Variants in ZGRF1 observed in about 807,000 individuals in gnomAD.
The protein encoded by ZGRF1 is 5'-3' DNA helicase ZGRF1.
In ZGRF1, 196 loss-of-function variants were observed where a neutral mutation model predicts 203.5. The observed-to-expected ratio is 0.96, with a 90% confidence interval of 0.86 to 1.08. The LOEUF (loss-of-function observed/expected upper bound fraction) is 1.08, where lower values mean the gene tolerates loss of function less well. ZGRF1 is among the 50% of genes least tolerant of loss of function. The probability of loss-of-function intolerance (pLI) is 0.00; values close to 1 mark genes in which losing one functional copy is unlikely to be tolerated. For synonymous variants in ZGRF1, 809 were observed against 841.3 expected (o/e 0.96, Z 0.66); for missense variants, 2,326 against 2,416.3 (o/e 0.96, Z 0.78).
intron 6 of ZGRF1, among the ~76,000 whole-genome samples, chr4:112,614,218 G>C (rs7687279): frequency 0.39 from 59,869 of 151,950 alleles, 12,025 homozygotes; most frequent in South Asian, 0.49. Flanking sequence ...TTCTCAAACT[G>C]TCTCAAGCAA....
chr4:112,599,082 T>C (rs1314406708), intron 10 of ZGRF1, among the ~76,000 whole-genome samples: 4 of 151,784 alleles, frequency 2.6e-5, no homozygotes, highest in East Asian at 1.9e-4. Context: ...AAAGCACTAA[T>C]GTAGTGGAAA....
chr4:112,617,428 T>C lies in ZGRF1; in HGVS notation c.2602+12A>G, dbSNP rs2046917833. 1.3e-6 allele frequency: 2 copies of C among 1,515,806 alleles called. No individual in the cohort carries two copies. 93.9% of individuals were successfully genotyped at this position (1,515,806 alleles called of 1,614,324 possible). On this transcript the variant is annotated intron_variant, in intron 6 of 27. Coordinates refer to ENST00000505019, the MANE Select transcript of ZGRF1 (RefSeq NM_018392.5). ...TAAAGAAAACATTCCAAAATAGACATGCAATTCTAACCTTCAGGAGGGCTA... is the reference window on the plus strand; with the variant it reads ...TAAAGAAAACATTCCAAAATAGACACGCAATTCTAACCTTCAGGAGGGCTA...
chr4:112,573,871 T>C (rs551181399), intron 16 of ZGRF1, among the ~76,000 whole-genome samples: 1 of 152,234 alleles, frequency 6.6e-6, no homozygotes, highest in African/African-American at 2.4e-5. Flanking sequence ...AACCCAATAG[T>C]AAAATGGCTA....
intron 10 of ZGRF1, among the ~76,000 whole-genome samples, chr4:112,600,616 A>C (rs547929667): frequency 2.0e-5 from 3 of 152,024 alleles, no homozygotes; most frequent in African/African-American, 7.2e-5. Context: ...ACTTGAACCC[A>C]GGAGGCGGAG....
In ZGRF1 at chr4:112,579,077, T is replaced by C. The variant is rs1745748685; in HGVS notation, c.4438+2586A>G. On this transcript the variant is annotated intron_variant, in intron 16 of 27. Transcript: ENST00000505019. Reference sequence around the variant, plus strand: ...ACATCATAAAGCTTATCCACCATGATCAAGTGGGCTTCATCCCTGGGATGC... The same window carrying C: ...ACATCATAAAGCTTATCCACCATGACCAAGTGGGCTTCATCCCTGGGATGC... 3.3e-5 allele frequency among the ~76,000 whole-genome samples: 4 copies of C among 122,720 alleles called. 2 individuals carry two copies. The South Asian group carries it at 1.2e-3, about 38-fold the overall frequency. 80.5% of individuals were successfully genotyped at this position (122,720 alleles called of 152,430 possible). A position where few individuals can be genotyped will look rare whatever the true frequency, so the allele number is the denominator to read the frequency against.
chr4:112,570,424 A>C lies in ZGRF1; in HGVS notation c.4439-7150T>G, dbSNP rs146205608. On this transcript the variant is annotated intron_variant, in intron 16 of 27. Coordinates refer to ENST00000505019, the MANE Select transcript of ZGRF1 (RefSeq NM_018392.5). ...GCCAACATGGTGAAAACCTGTCTCTACTAAAAATAGAAAATTTAGTGGGTG... is the reference window on the plus strand; with the variant it reads ...GCCAACATGGTGAAAACCTGTCTCTCCTAAAAATAGAAAATTTAGTGGGTG... Among the ~76,000 whole-genome samples, 1,083 of 152,160 alleles carry C rather than the reference A, an allele frequency of 7.1e-3. 32 individuals carry two copies. The East Asian group carries it at 0.093, about 13-fold the overall frequency.
In ZGRF1 at chr4:112,612,579, G is replaced by A. The variant is rs755106635; in HGVS notation, c.2612C>T (p.Pro871Leu). 7 of 1,597,144 alleles carry A rather than the reference G, an allele frequency of 4.4e-6. No homozygotes were observed. In the African/African-American group the frequency reaches 9.4e-5, roughly 21 times the overall value. Residue 871 changes from proline (P) to leucine (L), a missense_variant, in exon 7 of 28, where the codon CCA becomes CTA. By Grantham distance (98) the Pro-to-Leu change is moderately conservative. Transcript: ENST00000505019. The stretch of plus-strand genomic sequence containing the variant: ...CTTTGGTGAAACTACTGTAATAAAT[G>A]GTTTCCTCACTGTAATGGAGAAAAG... Reference protein sequence around the residue: ...EPDSPPEVRKPFITVVSPKSP... With the variant: ...EPDSPPEVRKLFITVVSPKSP...
Position 112,541,142 on chromosome 4 carries a change from A to G in ZGRF1, c.5725T>C (p.Leu1909=), listed in dbSNP as rs761407094. ...GVTEIERSPL[L]EWLPTLCFYN... is the part of the protein sequence containing the mutation. ...AAACACAGGGTTGGTAGCCATTCCA[A>G]TAAAGGGCTCCGCTCTATTTCTGTT... Residue 1909 remains leucine (L), a synonymous_variant, in exon 25 of 28, where the codon TTG becomes CTG. Coordinates refer to ENST00000505019, the MANE Select transcript of ZGRF1 (RefSeq NM_018392.5). 6.2e-7 allele frequency: 1 copy of G among 1,609,124 alleles called. No homozygotes were observed. The highest frequency in any genetic ancestry group is 8.5e-7 in the Non-Finnish European group (1 of 1,177,446).
intron 16 of ZGRF1, among the ~76,000 whole-genome samples, chr4:112,576,028 C>A (rs548514902): frequency 7.7e-4 from 117 of 152,350 alleles, no homozygotes; most frequent in Non-Finnish European, 1.3e-3. Flanking sequence ...AGGCACCCCC[C>A]AGTAGGGGCA....
chr4:112,556,911 A>G (rs1484070955), intron 20 of ZGRF1, among the ~76,000 whole-genome samples: 1 of 152,214 alleles, frequency 6.6e-6, no homozygotes, highest in Non-Finnish European at 1.5e-5. Flanking sequence ...AAACTTTGCC[A>G]TTTATGTTGA....
intron 1 of ZGRF1, among the ~76,000 whole-genome samples, chr4:112,634,338 C>T (rs1056383245): frequency 6.6e-6 from 1 of 152,136 alleles, no homozygotes; most frequent in Non-Finnish European, 1.5e-5. Flanking sequence ...GCTGAAATAA[C>T]CCTTAGTCAA....
Position 112,587,913 on chromosome 4 carries a change from A to G in ZGRF1, c.3144T>C (p.Arg1048=). 6.5e-7 allele frequency: 1 copy of G among 1,528,564 alleles called. No individual in the cohort carries two copies. Among genetic ancestry groups the G allele is most frequent in the Admixed American group, 2.2e-5 (1 of 44,570 alleles). The allele number at this position is 1,528,564 out of a possible 1,614,324, so 94.7% of individuals were successfully genotyped here. Residue 1048 remains arginine (R), a synonymous_variant, in exon 12 of 28, where the codon CGT becomes CGC. Coordinates refer to ENST00000505019, the MANE Select transcript of ZGRF1 (RefSeq NM_018392.5). ...TTTGAAGGTTCTCATTCTCCAGAGA[A>G]CGGGATTTTTTCATCCCTGAAAGAA... ...FLNLEGMKKS[R]SLENENLQRL...
chr4:112,598,475 T>C (rs1311981072), intron 10 of ZGRF1, among the ~76,000 whole-genome samples: 1 of 120,772 alleles, frequency 8.3e-6, no homozygotes, highest in Non-Finnish European at 1.7e-5. Flanking sequence ...TATATTTATC[T>C]TAAAGTTATA....
chr4:112,617,871 T>A lies in ZGRF1; in HGVS notation c.2171A>T (p.Asp724Val). The change falls in exon 6 of 28, where the codon GAT (aspartate) becomes GTT (valine). Residue 724 changes from aspartate to valine, a missense_variant. Transcript: ENST00000505019. Reference protein sequence around the residue: ...FILGSDLDKNDEHVLPSTSSS... With the variant: ...FILGSDLDKNVEHVLPSTSSS... The stretch of plus-strand genomic sequence containing the variant: ...AGAAGTTGAGGGTAAAACATGTTCA[T>A]CATTTTTGTCTAAGTCACTTCCCAA... 1.2e-6 allele frequency: 2 copies of A among 1,614,054 alleles called. No individual in the cohort carries two copies. The highest frequency in any genetic ancestry group is 2.2e-5 in the East Asian group (1 of 44,872).
At chr4:112,628,515 G>A (rs1283490319) in intron 3 of ZGRF1, 2 of 450,366 alleles carry the variant, frequency 4.4e-6, no homozygotes, top group East Asian at 1.4e-4. Flanking sequence ...AACTTTGACA[G>A]AATTTAGATA....
At position 112,557,582 on chromosome 4, in the gene ZGRF1, G is replaced by C. The variant is rs189793451; in HGVS notation, c.5120+568C>G. Among the ~76,000 whole-genome samples, 15 of 152,264 alleles carry C rather than the reference G, an allele frequency of 9.9e-5. No homozygotes were observed. In the East Asian group the frequency reaches 2.7e-3, roughly 27 times the overall value. On this transcript the variant is annotated intron_variant, in intron 20 of 27. Coordinates refer to ENST00000505019, the MANE Select transcript of ZGRF1 (RefSeq NM_018392.5). ...GTATAATCGTCAACATATCTGCATT[G>C]GTTTCCCTTGGTTCCCAAGTCACAT...
At chr4:112,612,424 A>T (rs1187328432) in intron 7 of ZGRF1, 100 bp downstream of exon 7, 1 of 741,462 alleles carries the variant, frequency 1.3e-6, no homozygotes, top group East Asian at 2.8e-5. Context: ...GGAGTCATGA[A>T]CCAAGATAGC....
chr4:112,613,749 C>T (rs2046773873), intron 6 of ZGRF1, among the ~76,000 whole-genome samples: 1 of 152,156 alleles, frequency 6.6e-6, no homozygotes, highest in South Asian at 2.1e-4. Context: ...GTTTTGCCAC[C>T]TTATCAGGTA....
At chr4:112,560,235 C>T (rs143069287) in intron 19 of ZGRF1, among the ~76,000 whole-genome samples, 26 of 152,098 alleles carry the variant, frequency 1.7e-4, no homozygotes, top group African/African-American at 5.5e-4. Context: ...CAGAACCAAG[C>T]GGTAAGAATA....
Sources: allele counts gnomAD v4.1 joint callset (sites outside exome capture counted in the v4.1 genomes callset), GRCh38; gene constraint gnomAD v4.1.1; transcripts MANE v1.5; gene names NCBI Gene and HGNC (gene_info 2026-07-23, HGNC 2026-07-21).